Variants in FCHSD2 observed in about 807,000 individuals in gnomAD.
The protein encoded by FCHSD2 is F-BAR and double SH3 domains protein 2.
FCHSD2 carries 38 observed loss-of-function variants against 108.1 expected under a neutral mutation model. That is an observed-to-expected ratio of 0.35 (90% confidence interval 0.27 to 0.46). FCHSD2 has a LOEUF of 0.46. Among genes scored for constraint, FCHSD2 ranks in the 20% least tolerant of loss-of-function variants. The pLI is 1.00. For missense variants in FCHSD2, 751 were observed against 897.8 expected (o/e 0.84, Z 2.09); for synonymous variants, 279 against 314.7 (o/e 0.89, Z 1.20).
At position 72,881,599 on chromosome 11, in the gene FCHSD2, C is replaced by T. The variant is rs951631211; in HGVS notation, c.1146+5871G>A. 2.6e-5 allele frequency among the ~76,000 whole-genome samples: 4 copies of T among 152,312 alleles called. No individual in the cohort carries two copies. The East Asian group carries it at 7.7e-4, about 29-fold the overall frequency. ...TCATACCTTCATCCCCTGTTTATTA[C>T]AGCACTATTCACAGTGGCCAAGATG... On this transcript the variant is annotated intron_variant, in intron 12 of 19. Transcript: ENST00000409418.
At chr11:72,927,177 T>A (rs1856093626) in intron 8 of FCHSD2, among the ~76,000 whole-genome samples, 1 of 152,254 alleles carries the variant, frequency 6.6e-6, no homozygotes, top group African/African-American at 2.4e-5. Context: ...AGATACGAGC[T>A]GCCTTCCATT....
intron 8 of FCHSD2, among the ~76,000 whole-genome samples, chr11:72,929,078 T>G (rs1856137535): frequency 1.3e-5 from 2 of 152,226 alleles, no homozygotes; most frequent in Non-Finnish European, 2.9e-5. Context: ...CTGGATAGTA[T>G]TCCATGGTGT....
At chr11:73,123,417 T>A (rs572143108) in intron 2 of FCHSD2, among the ~76,000 whole-genome samples, 9 of 152,304 alleles carry the variant, frequency 5.9e-5, no homozygotes, top group African/African-American at 2.2e-4. Context: ...TCATCCTTAA[T>A]TACAAATGAG....
In FCHSD2 at chr11:73,078,406, C is replaced by A. The variant is rs114844612; in HGVS notation, c.165+5289G>T. ...CACGTATAAAACCTTTGTTTAGAAG[C>A]CCTAGTCAAAAGTCATACAAAACAA... On this transcript the variant is annotated intron_variant, in intron 3 of 19. Transcript: ENST00000409418. Among the ~76,000 whole-genome samples, 1,211 of 152,150 alleles carry A rather than the reference C, an allele frequency of 8.0e-3. 20 individuals carry two copies. Among genetic ancestry groups the A allele is most frequent in the African/African-American group, 0.027 (1,135 of 41,502 alleles).
Position 73,042,668 on chromosome 11 carries a change from G to GGTCATGTTAACAATA in FCHSD2, c.166-26784_166-26783insTATTGTTAACATGAC, listed in dbSNP as rs1323514001. Among the ~76,000 whole-genome samples the GGTCATGTTAACAATA allele has an allele frequency of 2.1e-4, 32 of 152,198 alleles. 1 individual carries two copies. Among genetic ancestry groups the GGTCATGTTAACAATA allele is most frequent in the African/African-American group, 5.5e-4 (23 of 41,534 alleles). On this transcript the variant is annotated intron_variant, in intron 3 of 19. Transcript: ENST00000409418. Reference sequence around the variant, plus strand: ...TGGGTAGAATGGTCATGTTAACAATGTTCATTCTTCCAGTCCATAAGCATG... The same window carrying GGTCATGTTAACAATA: ...TGGGTAGAATGGTCATGTTAACAATGGTCATGTTAACAATATTCATTCTTCCAGTCCATAAGCATG...
intron 9 of FCHSD2, among the ~76,000 whole-genome samples, chr11:72,917,024 G>A (rs539918962): frequency 2.8e-5 from 4 of 144,434 alleles, no homozygotes; most frequent in South Asian, 2.2e-4. Flanking sequence ...TTGCTCTGTC[G>A]CCCAGGCTGG....
At chr11:72,974,343 C>G (rs1857066423) in intron 8 of FCHSD2, among the ~76,000 whole-genome samples, 1 of 152,176 alleles carries the variant, frequency 6.6e-6, no homozygotes, top group Non-Finnish European at 1.5e-5. Flanking sequence ...ATAAATAACT[C>G]ACTCTCACAA....
chr11:72,951,935 T>A (rs1047903251), intron 8 of FCHSD2, among the ~76,000 whole-genome samples: 2 of 152,240 alleles, frequency 1.3e-5, no homozygotes, highest in African/African-American at 2.4e-5. Context: ...CTGTAACAGC[T>A]ATACTCTTTC....
At chr11:73,041,922 T>C (rs529412122) in intron 3 of FCHSD2, among the ~76,000 whole-genome samples, 2 of 152,112 alleles carry the variant, frequency 1.3e-5, no homozygotes, top group East Asian at 3.9e-4. Flanking sequence ...CACTTTGAGA[T>C]TATTATTATT....
intron 2 of FCHSD2, among the ~76,000 whole-genome samples, chr11:73,099,866 G>A (rs907559852): frequency 3.9e-5 from 6 of 152,288 alleles, no homozygotes; most frequent in African/African-American, 1.4e-4. Context: ...TTCCTTCACT[G>A]GCCTCTCGGT....
At chr11:72,874,497 T>C (rs1242487367) in intron 12 of FCHSD2, among the ~76,000 whole-genome samples, 1 of 152,240 alleles carries the variant, frequency 6.6e-6, no homozygotes, top group African/African-American at 2.4e-5. Flanking sequence ...ACCTCTAGTA[T>C]TCATTTTAAA....
intron 2 of FCHSD2, among the ~76,000 whole-genome samples, chr11:73,115,125 G>A (rs943544259): frequency 3.3e-5 from 5 of 152,236 alleles, no homozygotes; most frequent in Non-Finnish European, 7.3e-5. Context: ...ATTCCCCTCT[G>A]ACTATGGCTG....
chr11:72,947,387 T>C (rs908404146), intron 8 of FCHSD2, among the ~76,000 whole-genome samples: 6 of 152,240 alleles, frequency 3.9e-5, no homozygotes, highest in Non-Finnish European at 7.3e-5. Context: ...AATCCACTTA[T>C]GCTCTCCCAT....
chr11:73,101,674 C>T (rs1860228937), intron 2 of FCHSD2, among the ~76,000 whole-genome samples: 1 of 151,822 alleles, frequency 6.6e-6, no homozygotes, highest in African/African-American at 2.4e-5. Context: ...TGACTTCAAA[C>T]GATCCTCCCA....
chr11:73,085,107 T>A (rs1859785204), intron 2 of FCHSD2, among the ~76,000 whole-genome samples: 1 of 152,234 alleles, frequency 6.6e-6, no homozygotes, highest in Non-Finnish European at 1.5e-5. Flanking sequence ...TTGTTTTGAG[T>A]AAATAATTTC....
At chr11:73,074,497 A>G (rs1007384927) in intron 3 of FCHSD2, among the ~76,000 whole-genome samples, 1 of 152,230 alleles carries the variant, frequency 6.6e-6, no homozygotes, top group Non-Finnish European at 1.5e-5. Context: ...AATATTAAAC[A>G]ATAAAAATTC....
At chr11:73,134,661 T>C (rs1392292124) in intron 2 of FCHSD2, among the ~76,000 whole-genome samples, 1 of 152,220 alleles carries the variant, frequency 6.6e-6, no homozygotes, top group East Asian at 1.9e-4. Flanking sequence ...AGAACATCTA[T>C]AAGAAATCAC....
At chr11:72,928,871 C>A (rs1231024061) in intron 8 of FCHSD2, among the ~76,000 whole-genome samples, 1 of 152,048 alleles carries the variant, frequency 6.6e-6, no homozygotes, top group Non-Finnish European at 1.5e-5. Flanking sequence ...ATCCCTCCCC[C>A]CGTCCCCCAC....
chr11:72,978,186 A>G (rs1357619610), intron 8 of FCHSD2, among the ~76,000 whole-genome samples: 1 of 152,156 alleles, frequency 6.6e-6, no homozygotes, highest in African/African-American at 2.4e-5. Context: ...GGGGAGGGAT[A>G]GCGTTAGGAG....
Sources: gnomAD v4.1 joint callset for allele counts (sites outside exome capture counted in the v4.1 genomes callset) on GRCh38, gnomAD v4.1.1 for gene constraint, MANE v1.5 for transcripts, NCBI Gene and HGNC (gene_info 2026-07-23, HGNC 2026-07-21) for gene names.